The following RBFOX1 variants were observed in gnomAD, a reference collection of about 807,000 sequenced individuals.
RBFOX1 encodes RNA binding fox-1 homolog 1.
In RBFOX1, 8 loss-of-function variants were observed where a neutral mutation model predicts 57.7. The observed-to-expected ratio is 0.14, with a 90% CI of 0.08 to 0.25. The LOEUF (loss-of-function observed/expected upper bound fraction) is 0.25. RBFOX1 is among the 10% of genes least tolerant of loss of function. The pLI is 1.00. For synonymous variants in RBFOX1, 326 were observed against 222.4 expected (o/e 1.47, Z -4.15); for missense variants, 611 against 548.5 (o/e 1.11, Z -1.14).
chr16:7,076,552 A>G (rs531966216), intron 4 of RBFOX1, among the ~76,000 whole-genome samples: 33 of 152,304 alleles, frequency 2.2e-4, no homozygotes, highest in African/African-American at 7.9e-4. Flanking sequence ...CTCAAATGGA[A>G]CACCTGTGGG....
chr16:6,999,382 C>G (rs1596492281), intron 3 of RBFOX1, among the ~76,000 whole-genome samples: 4 of 151,338 alleles, frequency 2.6e-5, no homozygotes, highest in Admixed American at 2.6e-4. Context: ...ACTCCAGATT[C>G]ATTGGTGGAC....
At chr16:6,711,648 C>G (rs557372510) in intron 3 of RBFOX1, among the ~76,000 whole-genome samples, 1 of 152,182 alleles carries the variant, frequency 6.6e-6, no homozygotes, top group Non-Finnish European at 1.5e-5. Flanking sequence ...CGAGGCTTCC[C>G]CATCCGTGTG....
At chr16:6,955,518 A>G (rs945604100) in intron 3 of RBFOX1, among the ~76,000 whole-genome samples, 2 of 147,732 alleles carry the variant, frequency 1.4e-5, no homozygotes, top group East Asian at 3.9e-4. Context: ...AAATTAGCTC[A>G]TTGCTTGCTT....
chr16:7,067,308 CA>C (rs35824102), intron 4 of RBFOX1, among the ~76,000 whole-genome samples: 100,686 of 151,486 alleles, frequency 0.66, 34,044 homozygotes, highest in South Asian at 0.74. Flanking sequence ...CAAATTACCA[CA>C]AAAAAAATAG....
intron 3 of RBFOX1, among the ~76,000 whole-genome samples, chr16:6,916,059 A>T (rs968221378): frequency 1.3e-5 from 2 of 151,932 alleles, no homozygotes; most frequent in African/African-American, 4.8e-5. Context: ...CCACACTGCT[A>T]CTCCCCAGAC....
chr16:5,340,824 T>C lies in RBFOX1; in HGVS notation c.219+100719T>C, dbSNP rs2065015535. 2.0e-5 allele frequency among the ~76,000 whole-genome samples: 3 copies of C among 151,982 alleles called. No individual in the cohort carries two copies. The South Asian group carries it at 6.2e-4, about 32-fold the overall frequency. On this transcript the variant is annotated intron_variant, in intron 1 of 2. Transcript: ENST00000585867. Reference sequence around the variant, plus strand: ...TCCTATTCTCACATGGGAGACAAAATGGTAAACAAGCACAACAGACAAGTC... The same window carrying C: ...TCCTATTCTCACATGGGAGACAAAACGGTAAACAAGCACAACAGACAAGTC...
intron 2 of RBFOX1, among the ~76,000 whole-genome samples, chr16:5,572,620 C>G (rs151143408): frequency 1.3e-5 from 2 of 152,178 alleles, no homozygotes; most frequent in Non-Finnish European, 2.9e-5. Flanking sequence ...ATCTGTGCAG[C>G]GGGAAGAGAG....
chr16:7,246,136 C>T (rs1379279880), intron 4 of RBFOX1, among the ~76,000 whole-genome samples: 2 of 152,062 alleles, frequency 1.3e-5, no homozygotes, highest in Non-Finnish European at 2.9e-5. Flanking sequence ...GATACCTAAG[C>T]TGGTAAATGT....
intron 2 of RBFOX1, among the ~76,000 whole-genome samples, chr16:5,525,559 G>T (rs540873833): frequency 6.9e-6 from 1 of 145,572 alleles, no homozygotes; most frequent in East Asian, 2.0e-4. Context: ...GTGCAGTGGC[G>T]TGATCTCAGC....
At chr16:6,632,022 C>G (rs1206988889) in intron 2 of RBFOX1, among the ~76,000 whole-genome samples, 1 of 152,086 alleles carries the variant, frequency 6.6e-6, no homozygotes, top group East Asian at 1.9e-4. Context: ...AAATCACACT[C>G]TATTTGGATA....
intron 3 of RBFOX1, among the ~76,000 whole-genome samples, chr16:6,835,752 T>TAAAAAAAA (rs56299805): frequency 3.9e-5 from 3 of 76,984 alleles, no homozygotes; most frequent in Admixed American, 1.5e-4. Context: ...AGACTCTGCT[T>TAAAAAAAA]AAAAAAAAAA....
At chr16:6,735,860 G>T (rs1268767059) in intron 3 of RBFOX1, among the ~76,000 whole-genome samples, 1 of 152,004 alleles carries the variant, frequency 6.6e-6, no homozygotes, top group Non-Finnish European at 1.5e-5. Context: ...TAATTCACAG[G>T]CCCTCCTTCT....
At chr16:6,148,506 CT>C (rs2096775247) in intron 1 of RBFOX1, among the ~76,000 whole-genome samples, 1 of 152,180 alleles carries the variant, frequency 6.6e-6, no homozygotes, top group Non-Finnish European at 1.5e-5. Flanking sequence ...TTCTTTGAGT[CT>C]CAGGTTGAAT....
chr16:6,456,662 C>T (rs1476292896), intron 2 of RBFOX1, among the ~76,000 whole-genome samples: 1 of 152,112 alleles, frequency 6.6e-6, no homozygotes, highest in Non-Finnish European at 1.5e-5. Flanking sequence ...AGAGGAACAT[C>T]AGTTAGAGGG....
At chr16:7,475,658 G>C (rs2062516357) in intron 4 of RBFOX1, among the ~76,000 whole-genome samples, 1 of 152,080 alleles carries the variant, frequency 6.6e-6, no homozygotes, top group African/African-American at 2.4e-5. Flanking sequence ...CATGTTTCTG[G>C]CATCCAAGCT....
At chr16:6,536,558 T>A (rs1599166774) in intron 2 of RBFOX1, among the ~76,000 whole-genome samples, 1 of 39,946 alleles carries the variant, frequency 2.5e-5, no homozygotes. Context: ...GCCCAGGAGG[T>A]TTTTTTTTTC....
chr16:6,010,274 C>G (rs527788079), intron 4 of RBFOX1, among the ~76,000 whole-genome samples: 3 of 152,174 alleles, frequency 2.0e-5, no homozygotes, highest in Non-Finnish European at 4.4e-5. Context: ...AACACCTCCC[C>G]TCCCCAGGAT....
At chr16:6,333,453 C>A (rs891121593) in intron 2 of RBFOX1, among the ~76,000 whole-genome samples, 2 of 152,106 alleles carry the variant, frequency 1.3e-5, no homozygotes, top group African/African-American at 4.8e-5. Context: ...TTCTTTTCTG[C>A]TTTTTATTCA....
At chr16:5,293,558 TGTA>T (rs1448647794) in intron 1 of RBFOX1, among the ~76,000 whole-genome samples, 1 of 152,220 alleles carries the variant, frequency 6.6e-6, no homozygotes, top group African/African-American at 2.4e-5. Flanking sequence ...TCCATCCACA[TGTA>T]GTAGGCACCA....
Sources: gnomAD v4.1 joint callset for allele counts (sites outside exome capture counted in the v4.1 genomes callset) on GRCh38, gnomAD v4.1.1 for gene constraint, MANE v1.5 for transcripts, NCBI Gene and HGNC (gene_info 2026-07-23, HGNC 2026-07-21) for gene names.